The following TMTC1 variants were observed in gnomAD, a reference collection of about 807,000 sequenced individuals.
The protein encoded by TMTC1 is protein O-mannosyl-transferase TMTC1.
In TMTC1, 73 loss-of-function variants were observed where a neutral mutation model predicts 104.8. The observed-to-expected ratio is 0.70, with a 90% confidence interval of 0.58 to 0.85. TMTC1 has a LOEUF of 0.85. TMTC1 is among the 40% of genes least tolerant of loss of function. The pLI is 0.00. For missense variants in TMTC1, 1,035 were observed against 1,096.1 expected (o/e 0.94, Z 0.79); for synonymous variants, 434 against 428.7 (o/e 1.01, Z -0.15).
At chr12:29,679,022 TA>T (rs1940824278) in intron 5 of TMTC1, among the ~76,000 whole-genome samples, 1 of 152,162 alleles carries the variant, frequency 6.6e-6, no homozygotes, top group Non-Finnish European at 1.5e-5. Context: ...TATTTATTAA[TA>T]AAAAACCTGG....
intron 3 of TMTC1, among the ~76,000 whole-genome samples, chr12:29,757,183 AC>A (rs1409797312): frequency 6.6e-6 from 1 of 152,216 alleles, no homozygotes; most frequent in African/African-American, 2.4e-5. Context: ...AAAATGTTCC[AC>A]CCTTTAAACA....
At chr12:29,735,934 C>T (rs751099241) in intron 5 of TMTC1, among the ~76,000 whole-genome samples, 9 of 152,262 alleles carry the variant, frequency 5.9e-5, no homozygotes, top group Admixed American at 6.5e-5. Flanking sequence ...TGGGTTACTT[C>T]GGATTTGTAG....
At chr12:29,582,144 A>T (rs765157740) in intron 8 of TMTC1, among the ~76,000 whole-genome samples, 1 of 152,264 alleles carries the variant, frequency 6.6e-6, no homozygotes, top group Non-Finnish European at 1.5e-5. Context: ...TTTATATTTT[A>T]AAAAATGTCA....
chr12:29,636,134 G>A (rs1210598003), intron 5 of TMTC1, among the ~76,000 whole-genome samples: 1 of 152,148 alleles, frequency 6.6e-6, no homozygotes, highest in Non-Finnish European at 1.5e-5. Flanking sequence ...TGATGTCTGG[G>A]ATTTGCTTTA....
At chr12:29,523,514 G>A (rs979996511) in intron 11 of TMTC1, among the ~76,000 whole-genome samples, 46 of 152,206 alleles carry the variant, frequency 3.0e-4, no homozygotes, top group African/African-American at 1.1e-3. Context: ...TAGGTACAGA[G>A]AAACTTTTAG....
chr12:29,556,926 T>C lies in TMTC1; in HGVS notation c.1607A>G (p.Tyr536Cys), dbSNP rs1217300315. 4 of 1,614,124 alleles carry C rather than the reference T, an allele frequency of 2.5e-6. No homozygotes were observed. In the Admixed American group the frequency reaches 6.7e-5, roughly 27 times the overall value. The change falls in exon 10 of 18, where the codon TAC becomes TGC. Residue 536 changes from tyrosine (Y) to cysteine (C), a missense_variant. Coordinates refer to ENST00000539277, the MANE Select transcript of TMTC1 (RefSeq NM_001193451.2). ...LTRDTAEAKM[Y>C]YQRALQLHPQ... ...ATGGAGCTGGAGAGCCCTCTGATAG[T>C]ACATCTTTGCCTCTGCTGTGTCTCT...
intron 1 of TMTC1, among the ~76,000 whole-genome samples, chr12:29,777,589 T>C (rs1344023975): frequency 6.9e-6 from 1 of 144,014 alleles, no homozygotes; most frequent in Non-Finnish European, 1.5e-5. Context: ...TCACTTTCTG[T>C]CCCTCCTACA....
At chr12:29,552,949 T>C (rs996128761) in intron 10 of TMTC1, among the ~76,000 whole-genome samples, 13 of 152,178 alleles carry the variant, frequency 8.5e-5, no homozygotes, top group African/African-American at 3.1e-4. Context: ...CTCAGAAATG[T>C]ATTAAGGTAA....
At chr12:29,585,812 AC>A (rs1946118139) in intron 7 of TMTC1, among the ~76,000 whole-genome samples, 1 of 152,206 alleles carries the variant, frequency 6.6e-6, no homozygotes, top group South Asian at 2.1e-4. Context: ...CTGTTTTGGT[AC>A]CAGTACAATG....
At chr12:29,668,292 G>C (rs543126924) in intron 5 of TMTC1, among the ~76,000 whole-genome samples, 2 of 152,102 alleles carry the variant, frequency 1.3e-5, no homozygotes, top group Non-Finnish European at 2.9e-5. Flanking sequence ...CATGGCAGAA[G>C]AGCAGAAAAG....
In TMTC1 at chr12:29,504,095, AAAAT is replaced by A. The variant is rs1343916719; in HGVS notation, c.*2747_*2750del. 1 of 151,992 alleles carries A rather than the reference AAAAT, an allele frequency of 6.6e-6. No homozygotes were observed. The highest frequency in any genetic ancestry group is 1.5e-5 in the Non-Finnish European group (1 of 68,026). 9.4% of individuals were successfully genotyped at this position (151,992 alleles called of 1,614,324 possible). A position where few individuals can be genotyped will look rare whatever the true frequency, so the allele number is the denominator to read the frequency against. On this transcript the variant is annotated 3_prime_UTR_variant, in exon 18 of 18. Coordinates refer to ENST00000539277, the MANE Select transcript of TMTC1 (RefSeq NM_001193451.2). ...AGACAAAGTGGAACTGTGTCTCAAAAAAATAAATAAGAAAAAATCAAACAGACAT... is the reference window on the plus strand; with the variant it reads ...AGACAAAGTGGAACTGTGTCTCAAAAAAATAAGAAAAAATCAAACAGACAT...
chr12:29,555,135 T>TTTTA (rs1491342024), intron 10 of TMTC1, among the ~76,000 whole-genome samples: 4 of 1,530 alleles, frequency 2.6e-3, no homozygotes, highest in African/African-American at 5.5e-3. Context: ...TCCAACATCC[T>TTTTA]TTTTTTTTTT....
At chr12:29,509,350 G>A (rs183649942) in intron 17 of TMTC1, among the ~76,000 whole-genome samples, 1 of 152,318 alleles carries the variant, frequency 6.6e-6, no homozygotes, top group East Asian at 1.9e-4. Context: ...CAAGTGTCAT[G>A]AGCAAGAGAC....
intron 5 of TMTC1, among the ~76,000 whole-genome samples, chr12:29,671,438 A>G (rs1274247654): frequency 6.6e-6 from 1 of 152,230 alleles, no homozygotes; most frequent in Admixed American, 6.5e-5. Flanking sequence ...ACACCGAGTT[A>G]AGTCTTAGAA....
intron 5 of TMTC1, among the ~76,000 whole-genome samples, chr12:29,667,927 G>A (rs1940346350): frequency 6.6e-6 from 1 of 152,140 alleles, no homozygotes; most frequent in African/African-American, 2.4e-5. Context: ...TCCCTGTCTT[G>A]CAAATGAGGC....
At chr12:29,606,028 C>T (rs1253951750) in intron 6 of TMTC1, among the ~76,000 whole-genome samples, 2 of 152,180 alleles carry the variant, frequency 1.3e-5, no homozygotes, top group Non-Finnish European at 2.9e-5. Flanking sequence ...CATGTTGCAG[C>T]AAAAGACATG....
At chr12:29,564,094 A>C (rs1161158587) in intron 9 of TMTC1, among the ~76,000 whole-genome samples, 1 of 152,186 alleles carries the variant, frequency 6.6e-6, no homozygotes, top group Non-Finnish European at 1.5e-5. Flanking sequence ...AACCAAACAG[A>C]ACTTGAGAAA....
intron 1 of TMTC1, among the ~76,000 whole-genome samples, chr12:29,776,465 C>A (rs546667136): frequency 3.3e-5 from 5 of 152,320 alleles, no homozygotes; most frequent in African/African-American, 1.2e-4. Context: ...ACCAAGCAGA[C>A]TTTTTCTCTA....
intron 7 of TMTC1, among the ~76,000 whole-genome samples, chr12:29,597,415 T>C (rs1250338703): frequency 6.6e-6 from 1 of 151,896 alleles, no homozygotes; most frequent in Non-Finnish European, 1.5e-5. Context: ...TCCTGCTGCT[T>C]ATGAGGATTG....
Sources: gnomAD v4.1 joint callset for allele counts (sites outside exome capture counted in the v4.1 genomes callset) on GRCh38, gnomAD v4.1.1 for gene constraint, MANE v1.5 for transcripts, NCBI Gene and HGNC (gene_info 2026-07-23, HGNC 2026-07-21) for gene names.